STRN3: variants seen among roughly 807,000 people sequenced by gnomAD.
STRN3 encodes striatin-3.
A neutral mutation model predicts 95.6 loss-of-function variants in STRN3; 29 were observed. That is an observed-to-expected ratio of 0.30 (90% CI 0.23 to 0.41). The LOEUF (loss-of-function observed/expected upper bound fraction) is 0.41. Among genes scored for constraint, STRN3 ranks in the 10% least tolerant of loss-of-function variants. The pLI, the probability that STRN3 is intolerant of heterozygous loss-of-function variation, is 1.00. For synonymous variants in STRN3, 331 were observed against 357.6 expected (o/e 0.93, Z 0.84); for missense variants, 890 against 972.1 (o/e 0.92, Z 1.12).
Position 30,947,550 on chromosome 14 carries a change from C to T in STRN3, c.543-287G>A, listed in dbSNP as rs577580057. Among the ~76,000 whole-genome samples, 7 of 152,222 alleles carry T rather than the reference C, an allele frequency of 4.6e-5. No homozygotes were observed. In the East Asian group the frequency reaches 1.2e-3, roughly 25 times the overall value. ...ATGCTTTTAGGATTATATACACACA[C>T]ACACACATTTTTAAATTTCCATACA... On this transcript the variant is annotated intron_variant, in intron 4 of 17. Coordinates refer to ENST00000357479, the MANE Select transcript of STRN3 (RefSeq NM_001083893.2).
chr14:30,932,281 A>G (rs1425089023), intron 7 of STRN3: 2 of 152,194 alleles, frequency 1.3e-5, no homozygotes, highest in African/African-American at 2.4e-5. Flanking sequence ...AAAAGAAAAA[A>G]AAAATCTGAA....
intron 16 of STRN3, 54 bp from the exon 17 acceptor site, chr14:30,895,802 A>C (rs1016614283): frequency 6.9e-6 from 10 of 1,452,774 alleles, no homozygotes; most frequent in Non-Finnish European, 9.4e-6. Context: ...CTAACTCGAG[A>C]CAACAGAAAC....
At chr14:30,915,105 T>C (rs1187546587) in intron 9 of STRN3, among the ~76,000 whole-genome samples, 1 of 152,088 alleles carries the variant, frequency 6.6e-6, no homozygotes, top group East Asian at 1.9e-4. Flanking sequence ...TTAAAATTCA[T>C]GAGCAAATTT....
At chr14:30,916,336 G>A (rs1896738538) in intron 9 of STRN3, among the ~76,000 whole-genome samples, 2 of 149,620 alleles carry the variant, frequency 1.3e-5, no homozygotes. Context: ...GTGCAGTGGC[G>A]CGATCTCGGC....
intron 8 of STRN3, 121 bp downstream of exon 8, chr14:30,929,080 T>G: frequency 2.9e-6 from 2 of 683,480 alleles, no homozygotes; most frequent in Non-Finnish European, 4.8e-6. Context: ...ACAGACAAAG[T>G]TTAAAGTTAG....
chr14:30,931,762 A>G (rs1433942223), intron 7 of STRN3, among the ~76,000 whole-genome samples: 2 of 152,274 alleles, frequency 1.3e-5, no homozygotes, highest in Non-Finnish European at 2.9e-5. Flanking sequence ...CAGACTATCT[A>G]ACACAGATGA....
At chr14:30,921,724 A>G (rs887831745) in intron 8 of STRN3, among the ~76,000 whole-genome samples, 1 of 152,346 alleles carries the variant, frequency 6.6e-6, no homozygotes, top group South Asian at 2.1e-4. Flanking sequence ...CTGTAGTAGT[A>G]TAACAGGATA....
intron 1 of STRN3, among the ~76,000 whole-genome samples, chr14:31,003,713 T>G (rs1035499862): frequency 2.0e-5 from 3 of 151,922 alleles, no homozygotes; most frequent in Non-Finnish European, 4.4e-5. Context: ...TAAAACCTTT[T>G]TTCTTTGTAA....
intron 6 of STRN3, 90 bp downstream of exon 6, chr14:30,936,405 T>G: frequency 7.2e-7 from 1 of 1,394,286 alleles, no homozygotes; most frequent in East Asian, 2.4e-5. Context: ...AGATGATCAA[T>G]CACTCCCAAT....
chr14:30,912,510 A>C (rs1896636739), intron 10 of STRN3, among the ~76,000 whole-genome samples: 2 of 152,342 alleles, frequency 1.3e-5, no homozygotes, highest in South Asian at 4.1e-4. Flanking sequence ...CTTTACATGA[A>C]AAATAATTAC....
intron 1 of STRN3, among the ~76,000 whole-genome samples, chr14:31,023,729 T>G (rs1358792477): frequency 6.6e-6 from 1 of 151,904 alleles, no homozygotes; most frequent in Non-Finnish European, 1.5e-5. Flanking sequence ...CACATACATT[T>G]TAAAATACGC....
In STRN3 at chr14:31,025,890, C is replaced by T. The variant is rs764479487; in HGVS notation, c.282+14G>A. ...AGCCGCCGCAGCTCCCGCACACCGA[C>T]CCCAACGAGGTACCTGCAGTTCGGC... On this transcript the variant is annotated intron_variant, in intron 1 of 17. Coordinates refer to ENST00000357479, the MANE Select transcript of STRN3 (RefSeq NM_001083893.2). The T allele has an allele frequency of 3.1e-6, 5 of 1,596,048 alleles. No homozygotes were observed. The East Asian group carries it at 9.2e-5, about 29-fold the overall frequency.
intron 1 of STRN3, among the ~76,000 whole-genome samples, chr14:31,012,343 C>G (rs1594582177): frequency 6.6e-6 from 1 of 152,144 alleles, no homozygotes; most frequent in Non-Finnish European, 1.5e-5. Context: ...ATCCTAAGTT[C>G]AGATTTAAAT....
intron 12 of STRN3, 85 bp from the exon 13 acceptor site, chr14:30,911,247 T>C (rs1023712387): frequency 4.2e-6 from 6 of 1,436,386 alleles, no homozygotes; most frequent in Admixed American, 5.2e-5. Context: ...TCTGAATTTA[T>C]GTAATATCTA....
intron 5 of STRN3, among the ~76,000 whole-genome samples, chr14:30,940,165 C>T (rs1370720565): frequency 1.3e-5 from 2 of 152,048 alleles, no homozygotes; most frequent in African/African-American, 4.8e-5. Flanking sequence ...TTCTAAGAAA[C>T]GTTCCTTCCA....
chr14:30,969,335 G>T (rs1880708329), intron 1 of STRN3, among the ~76,000 whole-genome samples: 1 of 152,038 alleles, frequency 6.6e-6, no homozygotes, highest in Non-Finnish European at 1.5e-5. Flanking sequence ...TACTCGGGAG[G>T]CTAAGGCAGG....
chr14:30,998,101 G>A (rs893567535), intron 1 of STRN3, among the ~76,000 whole-genome samples: 7 of 152,170 alleles, frequency 4.6e-5, no homozygotes, highest in Admixed American at 4.6e-4. Context: ...AGCAGCCACT[G>A]GAGGGGGCAG....
At chr14:30,977,812 A>AAAAC (rs1566470876) in intron 1 of STRN3, among the ~76,000 whole-genome samples, 2 of 136,988 alleles carry the variant, frequency 1.5e-5, no homozygotes, top group Non-Finnish European at 3.1e-5. Flanking sequence ...AAAAAAAAAA[A>AAAAC]AAAAACATGA....
intron 10 of STRN3, among the ~76,000 whole-genome samples, chr14:30,912,994 T>C (rs1594426604): frequency 6.6e-6 from 1 of 152,132 alleles, no homozygotes. Context: ...AAAAATTAAA[T>C]CCAAGACAAG....
Sources: gnomAD v4.1 joint callset for allele counts (sites outside exome capture counted in the v4.1 genomes callset) on GRCh38, gnomAD v4.1.1 for gene constraint, MANE v1.5 for transcripts, NCBI Gene and HGNC (gene_info 2026-07-23, HGNC 2026-07-21) for gene names.